The following PHF19 variants were observed in gnomAD, a reference collection of about 807,000 sequenced individuals.
PHF19 encodes PHD finger protein 19, also known as polycomb like 3.
Under a neutral mutation model 79.8 loss-of-function variants are expected in PHF19, and 21 were observed. The ratio of observed to expected loss-of-function variants is 0.26; its 90% CI spans 0.19 to 0.38. The LOEUF (loss-of-function observed/expected upper bound fraction) is 0.38, where lower values mean the gene tolerates loss of function less well. Ranked by LOEUF, PHF19 falls within the 10% of genes least tolerant of loss-of-function variation. The pLI is 1.00. For missense variants in PHF19, 445 were observed against 744.2 expected (o/e 0.60, Z 4.68); for synonymous variants, 273 against 296.3 (o/e 0.92, Z 0.81).
chr9:120,876,048 G>C (rs2046038805), intron 1 of PHF19: 1 of 152,936 alleles, frequency 6.5e-6, no homozygotes, highest in South Asian at 2.1e-4. Context: ...TGTGGTGCGT[G>C]TGTGTACTCC....
At chr9:120,889,425 CAA>C (rs35061787) in intron 1 of PHF19, among the ~76,000 whole-genome samples, 107 of 100,150 alleles carry the variant, frequency 1.1e-3, no homozygotes, top group Admixed American at 1.8e-3. Flanking sequence ...GTCTCCATCT[CAA>C]AAAAAAAAAA....
At chr9:120,880,274 C>T (rs924350207), upstream of PHF19, among the ~76,000 whole-genome samples, 1 of 152,204 alleles carries the variant, frequency 6.6e-6, no homozygotes, top group African/African-American at 2.4e-5. Context: ...GCAGGTGGAT[C>T]ACTTGAGGTC....
upstream of PHF19, among the ~76,000 whole-genome samples, chr9:120,895,408 G>T (rs1391909576): frequency 6.7e-6 from 1 of 148,828 alleles, no homozygotes; most frequent in Non-Finnish European, 1.5e-5. Context: ...AACATAGCAA[G>T]ATCCCGTCTC....
intron 1 of PHF19, among the ~76,000 whole-genome samples, chr9:120,888,572 A>T (rs1282398488): frequency 1.3e-5 from 2 of 152,150 alleles, no homozygotes; most frequent in African/African-American, 4.8e-5. Flanking sequence ...GCACCAGGGG[A>T]GGTGGCTATT....
At position 120,855,690 on chromosome 9, in the gene PHF19, CATTA is replaced by C. The variant is rs377734737; in HGVS notation, c.*2250_*2253del. On this transcript the variant is annotated 3_prime_UTR_variant, in exon 15 of 15. Transcript: ENST00000373896. ...GAGGTTTTAAATCATAAATCAGACA[CATTA>C]ATTATAACTTTAACAAATGTTATTA... 3.3e-5 allele frequency: 5 copies of C among 152,774 alleles called. No individual in the cohort carries two copies. The highest frequency in any genetic ancestry group is 1.2e-4 in the African/African-American group (5 of 41,586). The allele number at this position is 152,774 out of a possible 1,614,324, so 9.5% of individuals were successfully genotyped here.
upstream of PHF19, among the ~76,000 whole-genome samples, chr9:120,896,538 G>A (rs375248742): frequency 7.2e-4 from 99 of 138,382 alleles, 1 homozygote; most frequent in East Asian, 0.021. Flanking sequence ...TGCAAGCTCC[G>A]CCTCCCGGGT....
chr9:120,869,363 A>AC lies in PHF19; in HGVS notation c.466-34_466-33insG, dbSNP rs1473337504. 3.1e-6 allele frequency: 5 copies of AC among 1,603,950 alleles called. No individual in the cohort carries two copies. The highest frequency in any genetic ancestry group is 4.3e-6 in the Non-Finnish European group (5 of 1,175,738). On this transcript the variant is annotated intron_variant, in intron 5 of 14. Transcript: ENST00000373896. The surrounding 1 kb of genome is among the most constrained non-coding windows in gnomAD (Gnocchi z 5.8). ...GAGACGAGGGCCCCAGTCAACCACC[A>AC]GGTCCGGGTGGACCACGCGAGTCAG...
intron 1 of PHF19, chr9:120,894,722 C>G: frequency 3.6e-6 from 3 of 841,832 alleles, no homozygotes; most frequent in African/African-American, 1.8e-5. Context: ...GCGGGCCCAC[C>G]CGGCCGCCCG....
chr9:120,857,827 C>T lies in PHF19; in HGVS notation c.*117G>A, dbSNP rs920199211. The T allele has an allele frequency of 4.8e-6, 3 of 627,342 alleles. No homozygotes were observed. The highest frequency in any genetic ancestry group is 3.7e-5 in the African/African-American group (2 of 54,040). The allele number at this position is 627,342 out of a possible 1,614,324, so 38.9% of individuals were successfully genotyped here. A position where few individuals can be genotyped will look rare whatever the true frequency, so the allele number is the denominator to read the frequency against. ...CAGGCAGGCAGGGCATTCTGCCAGG[C>T]ACTTGCAGCTCTGTCCTGCTTCCTT... On this transcript the variant is annotated 3_prime_UTR_variant, in exon 15 of 15. Coordinates refer to ENST00000373896, the MANE Select transcript of PHF19 (RefSeq NM_015651.3).
intron 1 of PHF19, among the ~76,000 whole-genome samples, chr9:120,890,421 A>G (rs919239979): frequency 2.0e-5 from 3 of 152,048 alleles, no homozygotes; most frequent in African/African-American, 7.2e-5. Context: ...TGAAATGTCT[A>G]ACTTTGACCA....
In PHF19 at chr9:120,891,070, G is replaced by C. The variant is rs2046336476; in HGVS notation, c.42+3718C>G. On this transcript the variant is annotated intron_variant, in intron 1 of 14. Transcript: ENST00000616568. The surrounding 1 kb of genome is among the most constrained non-coding windows in gnomAD (Gnocchi z 4.3). ...GATTTTCCTTCCCCTTCGTCATGTG[G>C]CTGGATGGTCCTTATTCCCAAAACT... 6.6e-6 allele frequency among the ~76,000 whole-genome samples: 1 copy of C among 152,118 alleles called. No homozygotes were observed.
chr9:120,894,788 C>G, exon 1 of PHF19: 1 of 1,229,704 alleles, frequency 8.1e-7, no homozygotes, highest in Non-Finnish European at 1.0e-6. Context: ...CCGGACCCAC[C>G]TGGGCGCTGG....
upstream of PHF19, chr9:120,877,229 G>A: frequency 2.1e-6 from 2 of 949,866 alleles, no homozygotes; most frequent in Non-Finnish European, 2.5e-6. Context: ...GGCGGGGGCG[G>A]GGCGGGGCGG....
At position 120,869,556 on chromosome 9, in the gene PHF19, G is replaced by C; in HGVS notation, c.466-226C>G. 3 of 1,445,818 alleles carry C rather than the reference G, an allele frequency of 2.1e-6. No individual in the cohort carries two copies. In the South Asian group the frequency reaches 4.4e-5, roughly 21 times the overall value. The allele number at this position is 1,445,818 out of a possible 1,614,324, so 89.6% of individuals were successfully genotyped here. On this transcript the variant is annotated intron_variant, in intron 5 of 14. Coordinates refer to ENST00000373896, the MANE Select transcript of PHF19 (RefSeq NM_015651.3). This position sits in a 1 kb window ranked among gnomAD's most constrained non-coding sequence, Gnocchi z 5.8. ...AATTAAGAGTAATAAGCGCAATAAA[G>C]GCAACAATTACCAACATGTATTTAC...
chr9:120,894,987 G>A (rs2046388221), upstream of PHF19: 1 of 373,692 alleles, frequency 2.7e-6, no homozygotes. Context: ...CCTGCCATGG[G>A]CGAGGACCTT....
chr9:120,872,513 T>C (rs2131552214), intron 3 of PHF19, among the ~76,000 whole-genome samples: 1 of 152,290 alleles, frequency 6.6e-6, no homozygotes, highest in African/African-American at 2.4e-5. Context: ...GCTTTGGATA[T>C]TTATATAATA....
chr9:120,863,914 C>T (rs970167423), intron 10 of PHF19, 135 bp downstream of exon 10: 10 of 768,876 alleles, frequency 1.3e-5, no homozygotes, highest in Admixed American at 2.3e-5. Flanking sequence ...CCCTGGATCT[C>T]GGAGAATGGA....
At chr9:120,859,636 T>C (rs759655089) in intron 14 of PHF19, among the ~76,000 whole-genome samples, 1 of 152,130 alleles carries the variant, frequency 6.6e-6, no homozygotes, top group Non-Finnish European at 1.5e-5. Flanking sequence ...GTCAGGCTTC[T>C]AAATAAACGG....
chr9:120,869,634 G>T lies in PHF19; in HGVS notation c.465+211C>A. Reference sequence around the variant, plus strand: ...ATCATTTATTGGTCCCGTTATTCCCGACACCAAACCCATCTCCACTTTACA... The same window carrying T: ...ATCATTTATTGGTCCCGTTATTCCCTACACCAAACCCATCTCCACTTTACA... On this transcript the variant is annotated intron_variant, in intron 5 of 14. Coordinates refer to ENST00000373896, the MANE Select transcript of PHF19 (RefSeq NM_015651.3). This position sits in a 1 kb window ranked among gnomAD's most constrained non-coding sequence, Gnocchi z 5.8. 6.6e-7 allele frequency: 1 copy of T among 1,525,794 alleles called. No homozygotes were observed. The highest frequency in any genetic ancestry group is 8.8e-7 in the Non-Finnish European group (1 of 1,130,806). The allele number at this position is 1,525,794 out of a possible 1,614,324, so 94.5% of individuals were successfully genotyped here. A position where few individuals can be genotyped will look rare whatever the true frequency, so the allele number is the denominator to read the frequency against.
Sources: allele counts gnomAD v4.1 joint callset (sites outside exome capture counted in the v4.1 genomes callset), GRCh38; gene constraint gnomAD v4.1.1; non-coding constraint Gnocchi (gnomAD v3.1); transcripts MANE v1.5; gene names NCBI Gene and HGNC (gene_info 2026-07-23, HGNC 2026-07-21).